The following LOXL2 variants were observed in gnomAD, a reference collection of about 807,000 sequenced individuals.
The protein encoded by LOXL2 is lysyl oxidase homolog 2.
A neutral mutation model predicts 93.0 loss-of-function variants in LOXL2; 70 were observed. The observed-to-expected ratio is 0.75, with a 90% CI of 0.62 to 0.92. The LOEUF (loss-of-function observed/expected upper bound fraction) is 0.92, where lower values mean the gene tolerates loss of function less well. Ranked by LOEUF, LOXL2 falls within the 40% of genes least tolerant of loss-of-function variation. The pLI, the probability that LOXL2 is intolerant of heterozygous loss-of-function variation, is 0.00. For missense variants in LOXL2, 973 were observed against 1,054.9 expected, an observed-to-expected ratio of 0.92 and a Z score of 1.08; for synonymous variants, 438 against 413.2, an observed-to-expected ratio of 1.06 and a Z score of -0.73.
intron 1 of LOXL2, among the ~76,000 whole-genome samples, chr8:23,385,619 A>G (rs548369372): frequency 6.6e-6 from 1 of 152,262 alleles, no homozygotes; most frequent in South Asian, 2.1e-4. Flanking sequence ...ATCAGTATCA[A>G]TCTGATTTTG....
intron 1 of LOXL2, among the ~76,000 whole-genome samples, chr8:23,372,009 A>G (rs1348817853): frequency 6.6e-6 from 1 of 152,098 alleles, no homozygotes; most frequent in Admixed American, 6.6e-5. Context: ...GAGAAATGGT[A>G]GAATTAAAAA....
chr8:23,346,116 T>TAAAATTAAAA (rs1563197384), intron 3 of LOXL2, among the ~76,000 whole-genome samples: 2 of 23,790 alleles, frequency 8.4e-5, no homozygotes, highest in South Asian at 1.2e-3. Flanking sequence ...TAAAATAAAA[T>TAAAATTAAAA]TAAAATAAAA....
At chr8:23,341,388 C>A in intron 3 of LOXL2, 185 bp from the exon 4 acceptor site, 2 of 619,618 alleles carry the variant, frequency 3.2e-6, no homozygotes, top group Non-Finnish European at 5.8e-6. Flanking sequence ...AGTTAGAAAG[C>A]GCTATGCATG....
intron 4 of LOXL2, among the ~76,000 whole-genome samples, chr8:23,334,290 C>T (rs938811931): frequency 1.3e-5 from 2 of 152,232 alleles, no homozygotes; most frequent in Non-Finnish European, 2.9e-5. Context: ...CTGCCTGCCT[C>T]GGCCTCCCAA....
At position 23,355,512 on chromosome 8, in the gene LOXL2, CTTTTTTTTTTTTTTT is replaced by C. The variant is rs58824822; in HGVS notation, c.531+4563_531+4577del. 9.4e-3 allele frequency among the ~76,000 whole-genome samples: 758 copies of C among 80,352 alleles called. 10 individuals carry two copies. The highest frequency in any genetic ancestry group is 0.037 in the African/African-American group (700 of 19,116). 52.7% of individuals were successfully genotyped at this position (80,352 alleles called of 152,430 possible). The stretch of plus-strand genomic sequence containing the variant: ...CTATCTGTAAAGCAGTTGACATTCA[CTTTTTTTTTTTTTTT>C]TTTTTTTTTTTTTAGCAGCCCTATC... On this transcript the variant is annotated intron_variant, in intron 3 of 13. Coordinates refer to ENST00000389131, the MANE Select transcript of LOXL2 (RefSeq NM_002318.3).
chr8:23,369,773 G>A (rs917467722), intron 1 of LOXL2, among the ~76,000 whole-genome samples: 2 of 152,112 alleles, frequency 1.3e-5, no homozygotes, highest in Admixed American at 1.3e-4. Context: ...AAGTGATGGA[G>A]GGTTCCTGTG....
At position 23,307,953 on chromosome 8, in the gene LOXL2, G is replaced by GGAAAAAAAAAAAAAAAAAA. The variant is rs58347035; in HGVS notation, c.1880+1714_1880+1715insTTTTTTTTTTTTTTTTTTC. 5.0e-4 allele frequency among the ~76,000 whole-genome samples: 42 copies of GGAAAAAAAAAAAAAAAAAA among 83,552 alleles called. 15 individuals carry two copies. Among genetic ancestry groups the GGAAAAAAAAAAAAAAAAAA allele is most frequent in the Admixed American group, 5.9e-4 (3 of 5,110 alleles). The allele number at this position is 83,552 out of a possible 152,430, so 54.8% of individuals were successfully genotyped here. ...GTGACTAGGTCATCAGCTGCGATAT[G>GGAAAAAAAAAAAAAAAAAA]AAAAAAAAAAAAAAAAAAAAGCCAA... On this transcript the variant is annotated intron_variant, in intron 10 of 13. Transcript: ENST00000389131.
intron 1 of LOXL2, among the ~76,000 whole-genome samples, chr8:23,398,492 TACTA>T (rs944387602): frequency 6.2e-4 from 94 of 152,364 alleles, no homozygotes; most frequent in African/African-American, 2.1e-3. Context: ...AAGAAGAACC[TACTA>T]ACTGTGTTCC....
chr8:23,385,538 G>A (rs1380279238), intron 1 of LOXL2, among the ~76,000 whole-genome samples: 3 of 151,980 alleles, frequency 2.0e-5, no homozygotes, highest in Non-Finnish European at 4.4e-5. Context: ...GGGATTACAG[G>A]CATGAGCCAC....
chr8:23,342,319 C>G (rs905330178), intron 3 of LOXL2, among the ~76,000 whole-genome samples: 1 of 152,206 alleles, frequency 6.6e-6, no homozygotes, highest in African/African-American at 2.4e-5. Context: ...GGAAGCTCCC[C>G]CCTAAATCAC....
intron 7 of LOXL2, chr8:23,321,722 G>A (rs1017311877): frequency 5.9e-6 from 1 of 169,704 alleles, no homozygotes; most frequent in African/African-American, 2.4e-5. Context: ...AGGGAGCGAA[G>A]TGTGTGGCAG....
At position 23,328,366 on chromosome 8, in the gene LOXL2, C is replaced by A; in HGVS notation, c.1150+16G>T. On this transcript the variant is annotated intron_variant, in intron 6 of 13. Coordinates refer to ENST00000389131, the MANE Select transcript of LOXL2 (RefSeq NM_002318.3). ...TCCCAGGAAGAGAGGCCCCCTCTAG[C>A]CTCCCCATTCCTTACCTTGCCCCAG... The A allele has an allele frequency of 1.2e-6, 2 of 1,613,024 alleles. No individual in the cohort carries two copies. Among genetic ancestry groups the A allele is most frequent in the Non-Finnish European group, 1.7e-6 (2 of 1,179,586 alleles).
intron 13 of LOXL2, 151 bp downstream of exon 13, chr8:23,298,684 CT>C: frequency 1.7e-6 from 1 of 598,690 alleles, no homozygotes; most frequent in Non-Finnish European, 3.0e-6. Flanking sequence ...CCATCCAGGC[CT>C]GTGTGTCTGT....
intron 2 of LOXL2, among the ~76,000 whole-genome samples, chr8:23,362,783 T>C (rs1385845043): frequency 6.6e-6 from 1 of 152,178 alleles, no homozygotes; most frequent in Non-Finnish European, 1.5e-5. Flanking sequence ...GATGTACATT[T>C]GGCCATAATT....
intron 2 of LOXL2, among the ~76,000 whole-genome samples, chr8:23,361,134 C>T (rs998492670): frequency 1.3e-5 from 2 of 152,040 alleles, no homozygotes; most frequent in African/African-American, 2.4e-5. Flanking sequence ...TTCCTGACCT[C>T]GTGATCTGCC....
chr8:23,298,078 T>G lies in LOXL2; in HGVS notation c.2290A>C (p.Ser764Arg). The G allele has an allele frequency of 6.2e-7, 1 of 1,613,914 alleles. No homozygotes were observed. Among genetic ancestry groups the G allele is most frequent in the Non-Finnish European group, 8.5e-7 (1 of 1,180,018 alleles). ...EETEKKFEHF[S>R]GLLNNQLSPQ ...GACAGCTGGTTGTTTAAGAGCCCGC[T>G]GAAGTGCTCAAACTTTTTTTCCGTC... Residue 764 changes from serine (S) to arginine (R), a missense_variant, in exon 14 of 14, where the codon AGC becomes CGC. Transcript: ENST00000389131.
intron 10 of LOXL2, 146 bp downstream of exon 10, chr8:23,309,522 A>T: frequency 1.0e-6 from 1 of 985,258 alleles, no homozygotes; most frequent in Non-Finnish European, 1.3e-6. Context: ...AGTGTGGCAG[A>T]TGCAAGCCCC....
intron 9 of LOXL2, 107 bp downstream of exon 9, chr8:23,316,842 C>G: frequency 8.9e-7 from 1 of 1,125,304 alleles, no homozygotes; most frequent in African/African-American, 1.6e-5. Flanking sequence ...ATTCTACCTT[C>G]CTCTATTGCT....
intron 3 of LOXL2, among the ~76,000 whole-genome samples, chr8:23,358,253 T>C (rs1804230396): frequency 6.6e-6 from 1 of 152,238 alleles, no homozygotes; most frequent in Non-Finnish European, 1.5e-5. Context: ...TAGCAGCATT[T>C]GACAGGTGTC....
Sources: allele counts gnomAD v4.1 joint callset (sites outside exome capture counted in the v4.1 genomes callset), GRCh38; gene constraint gnomAD v4.1.1; transcripts MANE v1.5; gene names NCBI Gene and HGNC (gene_info 2026-07-23, HGNC 2026-07-21).